Variants in CDYL observed in about 807,000 individuals in gnomAD.
CDYL encodes chromodomain Y-like protein.
Under a neutral mutation model 47.3 loss-of-function variants are expected in CDYL, and 8 were observed. The ratio of observed to expected loss-of-function variants is 0.17; its 90% CI spans 0.10 to 0.31. The LOEUF (loss-of-function observed/expected upper bound fraction) is 0.31, where lower values mean the gene tolerates loss of function less well. Ranked by LOEUF, CDYL falls within the 10% of genes least tolerant of loss-of-function variation. The pLI, the probability that CDYL is intolerant of heterozygous loss-of-function variation, is 1.00. For missense variants in CDYL, 471 were observed against 701.4 expected (o/e 0.67, Z 3.71); for synonymous variants, 266 against 265.0 (o/e 1.00, Z -0.04).
intron 1 of CDYL, among the ~76,000 whole-genome samples, chr6:4,857,248 A>T (rs928265666): frequency 3.9e-5 from 6 of 152,208 alleles, no homozygotes; most frequent in Admixed American, 2.0e-4. Context: ...ACCACCAAAC[A>T]TCGCCAGAAC....
At chr6:4,726,607 G>A (rs928233354) in intron 2 of CDYL, among the ~76,000 whole-genome samples, 4 of 151,412 alleles carry the variant, frequency 2.6e-5, no homozygotes, top group African/African-American at 7.3e-5. Context: ...AGGCTGAGGC[G>A]AGAGGATTGC....
intron 1 of CDYL, among the ~76,000 whole-genome samples, chr6:4,881,570 A>G (rs1301642017): frequency 1.3e-5 from 2 of 152,198 alleles, no homozygotes; most frequent in Non-Finnish European, 2.9e-5. Flanking sequence ...AAAGCAGAAG[A>G]ATCTTGTAAC....
intron 2 of CDYL, among the ~76,000 whole-genome samples, chr6:4,925,722 G>A (rs901813400): frequency 1.3e-5 from 2 of 152,178 alleles, no homozygotes; most frequent in Non-Finnish European, 2.9e-5. Flanking sequence ...CCAGCTGGGA[G>A]AGTAGGCATG....
At position 4,800,420 on chromosome 6, in the gene CDYL, A is replaced by C. The variant is rs185466393; in HGVS notation, c.24+23613A>C. Reference sequence around the variant, plus strand: ...TATTATTGTCACAGTTGTTGCATTTATATACTTTGTAAACCCATCAGTAGT... The same window carrying C: ...TATTATTGTCACAGTTGTTGCATTTCTATACTTTGTAAACCCATCAGTAGT... On this transcript the variant is annotated intron_variant, in intron 1 of 6. Transcript: ENST00000397588. Among the ~76,000 whole-genome samples, 13 of 152,250 alleles carry C rather than the reference A, an allele frequency of 8.5e-5. No homozygotes were observed. In the East Asian group the frequency reaches 2.5e-3, roughly 29 times the overall value.
At chr6:4,853,253 T>G (rs1335132001) in intron 1 of CDYL, among the ~76,000 whole-genome samples, 1 of 152,226 alleles carries the variant, frequency 6.6e-6, no homozygotes, top group Non-Finnish European at 1.5e-5. Flanking sequence ...GTTTGTACTT[T>G]AAAAGAATTA....
rs570674574 is a variant in CDYL at position 4,844,051 on chromosome 6, G to A, written c.25-47662G>A. On this transcript the variant is annotated intron_variant, in intron 1 of 6. Transcript: ENST00000397588. The stretch of plus-strand genomic sequence containing the variant: ...GATGTGATACTCTCTCCCTTCCCCT[G>A]GGGATGTGGCTTTCTGAGAGCCAAA... Among the ~76,000 whole-genome samples, 34 of 152,212 alleles carry A rather than the reference G, an allele frequency of 2.2e-4. 2 individuals are homozygous for A. Among genetic ancestry groups the A allele is most frequent in the Middle Eastern group, 3.4e-3 (1 of 294 alleles).
At chr6:4,795,711 T>C (rs1015721854) in intron 1 of CDYL, among the ~76,000 whole-genome samples, 1 of 152,004 alleles carries the variant, frequency 6.6e-6, no homozygotes, top group Admixed American at 6.5e-5. Flanking sequence ...CTTTTCTCTT[T>C]TTTTTTTTAA....
chr6:4,848,866 A>G (rs1389055827), intron 1 of CDYL, among the ~76,000 whole-genome samples: 1 of 152,262 alleles, frequency 6.6e-6, no homozygotes, highest in East Asian at 1.9e-4. Context: ...AGTGAAGGTG[A>G]TAGAGACAAG....
chr6:4,827,414 G>A (rs1290295624), intron 1 of CDYL, among the ~76,000 whole-genome samples: 1 of 151,962 alleles, frequency 6.6e-6, no homozygotes, highest in Non-Finnish European at 1.5e-5. Context: ...ATAATGGATT[G>A]TTTGGATTCC....
chr6:4,755,350 C>T (rs1018984111), intron 3 of CDYL, among the ~76,000 whole-genome samples: 1 of 152,072 alleles, frequency 6.6e-6, no homozygotes, highest in Non-Finnish European at 1.5e-5. Flanking sequence ...GGATTACAGG[C>T]GTGAGCCACC....
intron 1 of CDYL, among the ~76,000 whole-genome samples, chr6:4,779,161 A>C (rs1758545873): frequency 6.6e-6 from 1 of 152,236 alleles, no homozygotes; most frequent in Non-Finnish European, 1.5e-5. Flanking sequence ...CAGAAGTGAT[A>C]CGCAATTGTA....
At chr6:4,946,871 A>C (rs1581290143) in intron 5 of CDYL, among the ~76,000 whole-genome samples, 2 of 150,902 alleles carry the variant, frequency 1.3e-5, no homozygotes, top group Non-Finnish European at 1.5e-5. Flanking sequence ...ATCTTGTCCC[A>C]CCCCTCCCTA....
At chr6:4,784,759 A>G (rs1021376983) in intron 1 of CDYL, among the ~76,000 whole-genome samples, 5 of 152,146 alleles carry the variant, frequency 3.3e-5, no homozygotes, top group Admixed American at 1.3e-4. Context: ...CCCAGATCTC[A>G]TTTGGAATTG....
At chr6:4,930,295 A>C (rs1347646248) in intron 2 of CDYL, among the ~76,000 whole-genome samples, 1 of 152,246 alleles carries the variant, frequency 6.6e-6, no homozygotes, top group Non-Finnish European at 1.5e-5. Context: ...AAAGACTCAA[A>C]GGGATCCCCT....
rs183692606 is a variant in CDYL at position 4,734,019 on chromosome 6, T to C, written c.104-743T>C. On this transcript the variant is annotated intron_variant, in intron 2 of 8. Coordinates refer to the CDYL transcript ENST00000328908. Reference sequence around the variant, plus strand: ...GGTGATGGCTAATTTTTGTATTTTTTAGTAGAGATGGGGTTTCACCATGTT... The same window carrying C: ...GGTGATGGCTAATTTTTGTATTTTTCAGTAGAGATGGGGTTTCACCATGTT... 4.6e-5 allele frequency among the ~76,000 whole-genome samples: 7 copies of C among 152,170 alleles called. No individual in the cohort carries two copies. The East Asian group carries it at 1.4e-3, about 29-fold the overall frequency.
At chr6:4,800,875 G>A (rs924134133) in intron 1 of CDYL, among the ~76,000 whole-genome samples, 1 of 152,056 alleles carries the variant, frequency 6.6e-6, no homozygotes, top group Non-Finnish European at 1.5e-5. Context: ...GTTTATCCTT[G>A]GCTTTCTACC....
intron 1 of CDYL, among the ~76,000 whole-genome samples, chr6:4,838,248 A>G (rs1361470868): frequency 6.6e-6 from 1 of 151,902 alleles, no homozygotes; most frequent in Non-Finnish European, 1.5e-5. Context: ...ATTTTGGTGC[A>G]CCCATCACCC....
intron 2 of CDYL, chr6:4,734,649 G>A (rs1284416817): frequency 7.3e-7 from 1 of 1,361,492 alleles, no homozygotes; most frequent in Non-Finnish European, 9.7e-7. Context: ...TCCTAATTCA[G>A]GAAGGGGAGG....
Position 4,811,156 on chromosome 6 carries a change from T to C in CDYL, c.24+34349T>C, listed in dbSNP as rs183099530. Among the ~76,000 whole-genome samples, 50 of 152,306 alleles carry C rather than the reference T, an allele frequency of 3.3e-4. No individual in the cohort carries two copies. In the East Asian group the frequency reaches 9.3e-3, roughly 28 times the overall value. ...CATTTTTGCATGCTCATTAATTCTT[T>C]AGTAGTTAAGAAGGATTTCCTCTGG... On this transcript the variant is annotated intron_variant, in intron 1 of 6. Transcript: ENST00000397588.
Sources: allele counts gnomAD v4.1 joint callset (sites outside exome capture counted in the v4.1 genomes callset), GRCh38; gene constraint gnomAD v4.1.1; transcripts MANE v1.5; gene names NCBI Gene and HGNC (gene_info 2026-07-23, HGNC 2026-07-21).